Variants in EYA3 observed in about 807,000 individuals in gnomAD.
EYA3 encodes the protein EYA transcriptional coactivator and phosphatase 3.
Under a neutral mutation model 80.0 loss-of-function variants are expected in EYA3, and 39 were observed. The ratio of observed to expected loss-of-function variants is 0.49; its 90% confidence interval spans 0.38 to 0.64. The LOEUF (loss-of-function observed/expected upper bound fraction) is 0.64. Among genes scored for constraint, EYA3 ranks in the 30% least tolerant of loss-of-function variants. EYA3 has a pLI of 0.00. For synonymous variants in EYA3, 206 were observed against 232.8 expected, an observed-to-expected ratio of 0.88 and a Z score of 1.05; for missense variants, 523 against 676.1, an observed-to-expected ratio of 0.77 and a Z score of 2.51.
At chr1:28,069,204 G>A (rs1358645410) in intron 1 of EYA3, among the ~76,000 whole-genome samples, 3 of 151,908 alleles carry the variant, frequency 2.0e-5, no homozygotes, top group African/African-American at 4.8e-5. Flanking sequence ...TCCACCTCCT[G>A]GGTTCAAGCA....
chr1:28,028,159 A>G (rs1329320396), intron 6 of EYA3, among the ~76,000 whole-genome samples: 1 of 152,230 alleles, frequency 6.6e-6, no homozygotes, highest in Non-Finnish European at 1.5e-5. Flanking sequence ...AAATCCCAAT[A>G]TGTATATAAA....
At chr1:28,012,132 G>A (rs1641736712) in intron 9 of EYA3, among the ~76,000 whole-genome samples, 2 of 152,112 alleles carry the variant, frequency 1.3e-5, no homozygotes, top group Admixed American at 6.6e-5. Context: ...ATCTGGGGAG[G>A]GAGCTAGATG....
At position 27,976,867 on chromosome 1, in the gene EYA3, A is replaced by G. The variant is rs147723284; in HGVS notation, c.1641+1507T>C. 7.2e-3 allele frequency: 1,676 copies of G among 233,370 alleles called. 7 individuals carry two copies. Among genetic ancestry groups the G allele is most frequent in the Non-Finnish European group, 9.4e-3 (1,335 of 142,554 alleles). The allele number at this position is 233,370 out of a possible 1,614,324, so 14.5% of individuals were successfully genotyped here. A position where few individuals can be genotyped will look rare whatever the true frequency, so the allele number is the denominator to read the frequency against. On this transcript the variant is annotated intron_variant, in intron 17 of 17. Transcript: ENST00000373871. ...CGAGTAGCTGGGATTACAGGAGTGC[A>G]CCACCATGCCCGGCTAATTTTTATA...
rs1309974271 is a variant in EYA3, at chr1:27,988,648, C to T, written c.1427G>A (p.Cys476Tyr). 2.5e-6 allele frequency: 4 copies of T among 1,613,668 alleles called. No homozygotes were observed. The highest frequency in any genetic ancestry group is 1.1e-5 in the South Asian group (1 of 91,032). Residue 476 changes from cysteine (C) to tyrosine (Y), a missense_variant, in exon 16 of 18, where the codon TGT becomes TAT. Physicochemically the swap from Cys to Tyr is radical, Grantham distance 194. Coordinates refer to ENST00000373871, the MANE Select transcript of EYA3 (RefSeq NM_001990.4). ...SLLLIQSRKN[C>Y]VNVLITTTQL... ...GGTGGTAGTGATCAGAACATTCACA[C>T]AATTCTTTCTATAAGGGAGTAAAAG... is the stretch of plus-strand genomic sequence containing the variant.
chr1:28,081,185 A>G (rs937808547), intron 1 of EYA3, among the ~76,000 whole-genome samples: 12 of 152,208 alleles, frequency 7.9e-5, no homozygotes, highest in Admixed American at 7.2e-4. Context: ...CAGTAAATAA[A>G]TACATACTAA....
intron 4 of EYA3, among the ~76,000 whole-genome samples, chr1:28,040,190 A>G (rs901258255): frequency 1.3e-5 from 2 of 152,214 alleles, no homozygotes; most frequent in Admixed American, 1.3e-4. Flanking sequence ...GAATAGCAAC[A>G]GTGGGGATGA....
chr1:28,037,004 G>A (rs1442605703), intron 5 of EYA3, among the ~76,000 whole-genome samples: 1 of 152,088 alleles, frequency 6.6e-6, no homozygotes, highest in Non-Finnish European at 1.5e-5. Context: ...GGAAAGCAAG[G>A]GCTTCGGCCT....
At chr1:28,034,226 G>C (rs1444322441) in intron 6 of EYA3, among the ~76,000 whole-genome samples, 1 of 151,828 alleles carries the variant, frequency 6.6e-6, no homozygotes, top group Non-Finnish European at 1.5e-5. Flanking sequence ...ATTTAATATT[G>C]AACAGCAGGA....
intron 7 of EYA3, among the ~76,000 whole-genome samples, chr1:28,020,619 T>C (rs937751821): frequency 3.4e-5 from 5 of 149,144 alleles, no homozygotes; most frequent in Admixed American, 1.4e-4. Context: ...CTACCCCACA[T>C]ACAGCTATGA....
intron 14 of EYA3, 90 bp from the exon 15 acceptor site, chr1:27,989,901 G>A (rs976083204): frequency 2.0e-5 from 13 of 648,304 alleles, no homozygotes; most frequent in South Asian, 1.9e-4. Context: ...TTTAAAAAGT[G>A]TGAGTCACTG....
intron 1 of EYA3, among the ~76,000 whole-genome samples, chr1:28,069,548 TAAA>T (rs11323301): frequency 6.3e-5 from 7 of 111,578 alleles, no homozygotes; most frequent in Admixed American, 1.0e-4. Context: ...CCAATCTATT[TAAA>T]AAAAAAAAAA....
At position 28,027,774 on chromosome 1, in the gene EYA3, A is replaced by G; in HGVS notation, c.499+15T>C. ...ATAATAATTTTAAAACACACACACA[A>G]CCATGCCTATTTACCTTGAATGGGA... On this transcript the variant is annotated intron_variant, in intron 7 of 17. Coordinates refer to ENST00000373871, the MANE Select transcript of EYA3 (RefSeq NM_001990.4). 6.2e-7 allele frequency: 1 copy of G among 1,613,768 alleles called. No homozygotes were observed. The highest frequency in any genetic ancestry group is 2.2e-5 in the East Asian group (1 of 44,876).
intron 14 of EYA3, among the ~76,000 whole-genome samples, chr1:27,992,747 C>T (rs545692582): frequency 6.6e-6 from 1 of 152,298 alleles, no homozygotes; most frequent in East Asian, 1.9e-4. Flanking sequence ...TACAAATTTG[C>T]AATGTGACCA....
At chr1:28,011,444 G>A (rs1299089264) in intron 9 of EYA3, among the ~76,000 whole-genome samples, 1 of 152,116 alleles carries the variant, frequency 6.6e-6, no homozygotes, top group Non-Finnish European at 1.5e-5. Context: ...TTTGTTGTGG[G>A]GGGATGTCTT....
chr1:28,064,990 A>G (rs922507945), intron 1 of EYA3, among the ~76,000 whole-genome samples: 1 of 152,270 alleles, frequency 6.6e-6, no homozygotes, highest in African/African-American at 2.4e-5. Flanking sequence ...TGATGACTGC[A>G]GATCATTGTA....
chr1:27,976,776 G>A (rs1638948932), intron 17 of EYA3, among the ~76,000 whole-genome samples: 1 of 152,122 alleles, frequency 6.6e-6, no homozygotes, highest in South Asian at 2.1e-4. Flanking sequence ...GGAGTGCAGT[G>A]GCACGATCTC....
At chr1:27,981,949 C>T (rs1439465322) in intron 16 of EYA3, among the ~76,000 whole-genome samples, 2 of 151,968 alleles carry the variant, frequency 1.3e-5, no homozygotes, top group Non-Finnish European at 2.9e-5. Context: ...AGTGCTCCTC[C>T]CACCTTAGCC....
intron 16 of EYA3, among the ~76,000 whole-genome samples, chr1:27,986,451 T>C (rs938826967): frequency 6.7e-6 from 1 of 149,660 alleles, no homozygotes; most frequent in Non-Finnish European, 1.5e-5. Flanking sequence ...CAGGCTGGAG[T>C]GCAGTAGCGC....
chr1:27,991,528 T>TA (rs1046473561), intron 14 of EYA3, among the ~76,000 whole-genome samples: 4 of 151,564 alleles, frequency 2.6e-5, no homozygotes, highest in African/African-American at 7.3e-5. Flanking sequence ...CAGTGAAGGT[T>TA]AAAAAAAAAT....
Sources: gnomAD v4.1 joint callset for allele counts (sites outside exome capture counted in the v4.1 genomes callset) on GRCh38, gnomAD v4.1.1 for gene constraint, MANE v1.5 for transcripts, NCBI Gene and HGNC (gene_info 2026-07-23, HGNC 2026-07-21) for gene names.